The following ZNF540 variants were observed in gnomAD, a reference collection of about 807,000 sequenced individuals.
ZNF540 encodes CTD-3064H18.6.
Under a neutral mutation model 11.8 loss-of-function variants are expected in ZNF540, and 3 were observed. The observed-to-expected ratio is 0.25, with a 90% CI of 0.12 to 0.65. The LOEUF (loss-of-function observed/expected upper bound fraction) is 0.65, where lower values mean the gene tolerates loss of function less well. ZNF540 is among the 30% of genes least tolerant of loss of function. The probability of loss-of-function intolerance (pLI) is 0.83; values close to 1 mark genes in which losing one functional copy is unlikely to be tolerated. For synonymous variants in ZNF540, 247 were observed against 259.0 expected (o/e 0.95, Z 0.45); for missense variants, 709 against 793.1 (o/e 0.89, Z 1.27).
At chr19:37,563,395 T>C (rs2147144317) in intron 1 of ZNF540, 1 of 152,026 alleles carries the variant, frequency 6.6e-6, no homozygotes, top group South Asian at 2.1e-4. Context: ...GATCTGGGTC[T>C]CTAAAAATTT....
intron 1 of ZNF540, among the ~76,000 whole-genome samples, chr19:37,568,843 TAGG>T (rs2042960787): frequency 6.6e-6 from 1 of 152,198 alleles, no homozygotes; most frequent in African/African-American, 2.4e-5. Flanking sequence ...GGAGTCATTT[TAGG>T]AGGTTTCTTT....
rs116053580 is a variant in ZNF540 at position 37,564,648 on chromosome 19, C to T, written c.-73+12983C>T. 2.4e-4 allele frequency: 387 copies of T among 1,594,560 alleles called. 1 individual carries two copies. In the African/African-American group the frequency reaches 4.4e-3, roughly 18 times the overall value. Reference sequence around the variant, plus strand: ...GTAAGTTGTGAAGGACATCTAAAGTCTTTACCACACTGGACACATGTATAG... The same window carrying T: ...GTAAGTTGTGAAGGACATCTAAAGTTTTTACCACACTGGACACATGTATAG... On this transcript the variant is annotated intron_variant, in intron 1 of 4. Transcript: ENST00000592533.
chr19:37,601,163 G>A (rs2044036929), intron 4 of ZNF540, 58 bp downstream of exon 4: 1 of 1,433,310 alleles, frequency 7.0e-7, no homozygotes, highest in Non-Finnish European at 9.6e-7. Context: ...CGGCCAGCTG[G>A]TGAGGGAGCA....
rs1157364240 is a variant in ZNF540, at chr19:37,600,113, C to T, written c.136+361C>T. Among the ~76,000 whole-genome samples the T allele has an allele frequency of 2.0e-5, 3 of 152,146 alleles. No homozygotes were observed. In the East Asian group the frequency reaches 5.8e-4, roughly 29 times the overall value. On this transcript the variant is annotated intron_variant, in intron 3 of 4. Transcript: ENST00000316433. Reference sequence around the variant, plus strand: ...GGATGCTCTGTTATTTGGTAACATGCCTATAAGGATAACAGCCCTACCCAG... The same window carrying T: ...GGATGCTCTGTTATTTGGTAACATGTCTATAAGGATAACAGCCCTACCCAG...
chr19:37,563,510 C>T (rs1247594068), intron 1 of ZNF540: 2 of 151,754 alleles, frequency 1.3e-5, no homozygotes. Flanking sequence ...TTTATACACA[C>T]ACACATATAC....
chr19:37,585,839 A>G (rs900925173), intron 1 of ZNF540: 1 of 152,162 alleles, frequency 6.6e-6, no homozygotes, highest in African/African-American at 2.4e-5. Context: ...GGCCCAATGT[A>G]TTTGTAAGTG....
chr19:37,566,093 A>G, intron 1 of ZNF540: 1 of 1,613,988 alleles, frequency 6.2e-7, no homozygotes. Context: ...TTCACAGGTA[A>G]TTTTGACACA....
chr19:37,551,441 G>A lies in ZNF540; in HGVS notation c.-297G>A, dbSNP rs1190725692. Reference sequence around the variant, plus strand: ...GCTTGGCGGAGCTGGAGCCCTCCCTGGCAGTGCGTCGGCGCTGGGCTATGG... The same window carrying A: ...GCTTGGCGGAGCTGGAGCCCTCCCTAGCAGTGCGTCGGCGCTGGGCTATGG... On this transcript the variant is annotated 5_prime_UTR_variant, in exon 1 of 5. Transcript: ENST00000592533. The A allele has an allele frequency of 2.0e-5, 3 of 152,436 alleles. No individual in the cohort carries two copies. The East Asian group carries it at 5.8e-4, about 29-fold the overall frequency. 9.4% of individuals were successfully genotyped at this position (152,436 alleles called of 1,614,324 possible). A position where few individuals can be genotyped will look rare whatever the true frequency, so the allele number is the denominator to read the frequency against.
chr19:37,601,570 T>C (rs2044039743), intron 4 of ZNF540, among the ~76,000 whole-genome samples: 1 of 152,182 alleles, frequency 6.6e-6, no homozygotes, highest in Admixed American at 6.5e-5. Flanking sequence ...CAGAGATACA[T>C]AGTAAACTGT....
intron 1 of ZNF540, among the ~76,000 whole-genome samples, chr19:37,558,202 T>C (rs1404067742): frequency 6.6e-6 from 1 of 152,220 alleles, no homozygotes; most frequent in African/African-American, 2.4e-5. Context: ...TTGAATGCTT[T>C]ATCAGCAGCC....
intron 2 of ZNF540, 128 bp from the exon 3 acceptor site, chr19:37,599,498 A>C: frequency 9.3e-7 from 1 of 1,077,964 alleles, no homozygotes; most frequent in Non-Finnish European, 1.3e-6. Context: ...CTTTATCATA[A>C]GCTTTCAGCC....
chr19:37,561,884 T>G (rs751646010), intron 1 of ZNF540, among the ~76,000 whole-genome samples: 16 of 152,336 alleles, frequency 1.1e-4, no homozygotes, highest in South Asian at 2.1e-4. Context: ...CTGAACAAAA[T>G]GTACTTTAGA....
chr19:37,567,946 T>A (rs2042919340), intron 1 of ZNF540, among the ~76,000 whole-genome samples: 2 of 152,230 alleles, frequency 1.3e-5, no homozygotes, highest in African/African-American at 4.8e-5. Context: ...TAGTTTTTCA[T>A]GTCTTACTTT....
intron 1 of ZNF540, chr19:37,584,248 C>G (rs1482036630): frequency 1.1e-6 from 1 of 939,688 alleles, no homozygotes; most frequent in East Asian, 2.7e-5. Context: ...GATTCTCTAT[C>G]ATTCCTATTG....
rs76911481 is a variant in ZNF540, at chr19:37,613,470, A to G, written c.*207A>G. On this transcript the variant is annotated 3_prime_UTR_variant, in exon 5 of 5. Coordinates refer to ENST00000316433, the MANE Select transcript of ZNF540 (RefSeq NM_001172225.3). ...TGTAACAGTTGTGGAAAAGTGTTCT[A>G]GCAACAGCATATACTTATCATCATT... 2,847 of 454,990 alleles carry G rather than the reference A, an allele frequency of 6.3e-3. 123 individuals carry two copies. The East Asian group carries it at 0.084, about 13-fold the overall frequency. The allele number at this position is 454,990 out of a possible 1,614,324, so 28.2% of individuals were successfully genotyped here.
At chr19:37,559,851 T>C (rs1231039750) in intron 1 of ZNF540, among the ~76,000 whole-genome samples, 1 of 152,244 alleles carries the variant, frequency 6.6e-6, no homozygotes, top group Non-Finnish European at 1.5e-5. Context: ...CAGATATATT[T>C]GCAGTTATCC....
At chr19:37,566,500 G>A (rs10500277) in intron 1 of ZNF540, 22,828 of 533,500 alleles carry the variant, frequency 0.043, 623 homozygotes, top group Non-Finnish European at 0.052. Flanking sequence ...TAGAAAAATA[G>A]GTTAAGTCAG....
chr19:37,598,423 G>A lies in ZNF540; in HGVS notation c.-25G>A, dbSNP rs746520224. ...CAGCAGAATAATCCTGCGGAAGACT[G>A]AGCAGTTCTTGTGAGTGTAAAACCA... On this transcript the variant is annotated 5_prime_UTR_variant, in exon 2 of 5. Coordinates refer to ENST00000316433, the MANE Select transcript of ZNF540 (RefSeq NM_001172225.3). The A allele has an allele frequency of 1.1e-5, 18 of 1,613,654 alleles. No individual in the cohort carries two copies. Among genetic ancestry groups the A allele is most frequent in the Admixed American group, 1.7e-5 (1 of 59,984 alleles).
At chr19:37,554,269 C>T (rs1465587098) in intron 1 of ZNF540, among the ~76,000 whole-genome samples, 1 of 152,206 alleles carries the variant, frequency 6.6e-6, no homozygotes, top group Non-Finnish European at 1.5e-5. Context: ...ATCCTGCATG[C>T]CTTCACTTAA....
Sources: allele counts gnomAD v4.1 joint callset (sites outside exome capture counted in the v4.1 genomes callset), GRCh38; gene constraint gnomAD v4.1.1; transcripts MANE v1.5; gene names NCBI Gene and HGNC (gene_info 2026-07-23, HGNC 2026-07-21).